Variants in F13A1 observed in about 807,000 individuals in gnomAD.
F13A1 encodes the protein FSF, A subunit.
Under a neutral mutation model 80.1 loss-of-function variants are expected in F13A1, and 47 were observed. The ratio of observed to expected loss-of-function variants is 0.59; its 90% CI spans 0.46 to 0.75. The LOEUF (loss-of-function observed/expected upper bound fraction) is 0.75. F13A1 is among the 30% of genes least tolerant of loss of function. The pLI is 0.00. For synonymous variants in F13A1, 349 were observed against 344.9 expected (o/e 1.01, Z -0.13); for missense variants, 817 against 930.4 (o/e 0.88, Z 1.59).
chr6:6,303,500 A>G (rs1758466206), intron 3 of F13A1, among the ~76,000 whole-genome samples: 2 of 152,192 alleles, frequency 1.3e-5, no homozygotes, highest in African/African-American at 4.8e-5. Context: ...GATTAATTCA[A>G]GCTAATTAAC....
At chr6:6,257,169 T>A (rs1160057824) in intron 4 of F13A1, among the ~76,000 whole-genome samples, 1 of 151,814 alleles carries the variant, frequency 6.6e-6, no homozygotes, top group African/African-American at 2.4e-5. Context: ...TTAGAGGGAG[T>A]GGCTTGATCT....
chr6:6,193,545 C>T (rs1018886063), intron 10 of F13A1, among the ~76,000 whole-genome samples: 2 of 152,200 alleles, frequency 1.3e-5, no homozygotes, highest in Non-Finnish European at 2.9e-5. Context: ...GCCCCTGGAG[C>T]GCAGCCCATG....
intron 11 of F13A1, among the ~76,000 whole-genome samples, chr6:6,179,575 C>T (rs1760943224): frequency 6.6e-6 from 1 of 152,172 alleles, no homozygotes; most frequent in Admixed American, 6.5e-5. Context: ...AATCCTTCTA[C>T]CCGCCACATT....
intron 3 of F13A1, among the ~76,000 whole-genome samples, chr6:6,274,575 T>A (rs1224770028): frequency 1.3e-5 from 2 of 152,020 alleles, no homozygotes; most frequent in African/African-American, 4.8e-5. Context: ...TCAGAGAAAA[T>A]ACGAACAGCA....
chr6:6,306,038 A>C (rs757624982), intron 2 of F13A1, among the ~76,000 whole-genome samples: 1 of 152,242 alleles, frequency 6.6e-6, no homozygotes, highest in Non-Finnish European at 1.5e-5. Context: ...TTAGCCATTA[A>C]TCTAAAATTC....
chr6:6,245,578 T>C (rs142935045), intron 6 of F13A1, among the ~76,000 whole-genome samples: 3 of 152,176 alleles, frequency 2.0e-5, no homozygotes, highest in African/African-American at 7.2e-5. Flanking sequence ...TTATCGGTGC[T>C]TTTTTCAACA....
At chr6:6,163,288 G>C (rs563057287) in intron 13 of F13A1, among the ~76,000 whole-genome samples, 1 of 152,166 alleles carries the variant, frequency 6.6e-6, no homozygotes, top group Non-Finnish European at 1.5e-5. Flanking sequence ...AGCCATTGTG[G>C]TTTCGTACTT....
chr6:6,220,874 T>C (rs1583078849), intron 8 of F13A1, among the ~76,000 whole-genome samples: 1 of 152,210 alleles, frequency 6.6e-6, no homozygotes, highest in Admixed American at 6.5e-5. Context: ...ACTTTGCTAC[T>C]CATTCAGCAA....
chr6:6,239,326 T>C (rs1440509541), intron 6 of F13A1, among the ~76,000 whole-genome samples: 1 of 152,118 alleles, frequency 6.6e-6, no homozygotes, highest in Non-Finnish European at 1.5e-5. Flanking sequence ...GAGGTGGGGA[T>C]TGACCGGAAG....
intron 14 of F13A1, among the ~76,000 whole-genome samples, chr6:6,147,326 C>A (rs1434865746): frequency 6.6e-6 from 1 of 152,124 alleles, no homozygotes; most frequent in Non-Finnish European, 1.5e-5. Context: ...GAAGAAAAGG[C>A]TTTTTCTGAC....
intron 6 of F13A1, among the ~76,000 whole-genome samples, chr6:6,233,036 C>T (rs989353395): frequency 1.3e-5 from 2 of 151,872 alleles, no homozygotes; most frequent in African/African-American, 4.8e-5. Context: ...AAGGTTACAC[C>T]TCAAGGAACT....
intron 13 of F13A1, among the ~76,000 whole-genome samples, chr6:6,163,599 T>C (rs1760612152): frequency 6.6e-6 from 1 of 152,202 alleles, no homozygotes; most frequent in African/African-American, 2.4e-5. Context: ...GTATTCGGTT[T>C]TCTCTTCCTG....
At position 6,198,716 on chromosome 6, in the gene F13A1, A is replaced by G. The variant is rs574874710; in HGVS notation, c.1113-1390T>C. On this transcript the variant is annotated intron_variant, in intron 8 of 14. Transcript: ENST00000264870. ...CTGTAAACCAATTATCAAAACTGTC[A>G]TAGGTTTGCTGTGAGACTTAAATAA... is the stretch of plus-strand genomic sequence containing the variant. 2.6e-5 allele frequency among the ~76,000 whole-genome samples: 4 copies of G among 152,366 alleles called. No individual in the cohort carries two copies. The South Asian group carries it at 6.2e-4, about 24-fold the overall frequency.
intron 11 of F13A1, among the ~76,000 whole-genome samples, chr6:6,177,085 T>C (rs1038874280): frequency 6.6e-6 from 1 of 152,188 alleles, no homozygotes; most frequent in African/African-American, 2.4e-5. Context: ...CTGCGTGCTC[T>C]GGCATCTTAC....
intron 8 of F13A1, among the ~76,000 whole-genome samples, chr6:6,219,789 A>G (rs570585485): frequency 1.3e-5 from 2 of 152,306 alleles, no homozygotes; most frequent in East Asian, 3.9e-4. Context: ...AAAGTAACAG[A>G]AATAGCACAG....
At chr6:6,190,944 C>A (rs978645437) in intron 10 of F13A1, among the ~76,000 whole-genome samples, 7 of 152,126 alleles carry the variant, frequency 4.6e-5, no homozygotes, top group African/African-American at 1.7e-4. Flanking sequence ...TTTTTTAAGC[C>A]CGTCGGAAAA....
intron 3 of F13A1, among the ~76,000 whole-genome samples, chr6:6,284,248 A>G (rs1758105763): frequency 1.3e-5 from 2 of 152,208 alleles, no homozygotes; most frequent in Non-Finnish European, 2.9e-5. Flanking sequence ...AATGTCTTTG[A>G]CATGTTTAAA....
At chr6:6,203,864 T>C (rs1215835546) in intron 8 of F13A1, among the ~76,000 whole-genome samples, 1 of 152,232 alleles carries the variant, frequency 6.6e-6, no homozygotes, top group East Asian at 1.9e-4. Flanking sequence ...AGAAAATAGA[T>C]ACTTCTTACT....
chr6:6,303,121 T>A (rs1317456913), intron 3 of F13A1, among the ~76,000 whole-genome samples: 1 of 152,214 alleles, frequency 6.6e-6, no homozygotes, highest in Non-Finnish European at 1.5e-5. Flanking sequence ...TTAACTCATA[T>A]ACTGAAATCC....
Sources: gnomAD v4.1 joint callset for allele counts (sites outside exome capture counted in the v4.1 genomes callset) on GRCh38, gnomAD v4.1.1 for gene constraint, MANE v1.5 for transcripts, NCBI Gene and HGNC (gene_info 2026-07-23, HGNC 2026-07-21) for gene names.